APBB1IP: variants seen among roughly 807,000 people sequenced by gnomAD.
APBB1IP encodes the protein amyloid beta precursor protein binding family B member 1 interacting protein, also known as amyloid beta A4 precursor protein-binding family B member 1-interacting protein.
Under a neutral mutation model 64.9 loss-of-function variants are expected in APBB1IP, and 27 were observed. The ratio of observed to expected loss-of-function variants is 0.42; its 90% confidence interval spans 0.31 to 0.57. The LOEUF (loss-of-function observed/expected upper bound fraction) is 0.57, where lower values mean the gene tolerates loss of function less well. Ranked by LOEUF, APBB1IP falls within the 20% of genes least tolerant of loss-of-function variation. The pLI is 0.20. For synonymous variants in APBB1IP, 392 were observed against 331.0 expected (o/e 1.18, Z -2.00); for missense variants, 812 against 845.5 (o/e 0.96, Z 0.49).
chr10:26,532,635 C>T (rs752250830), intron 8 of APBB1IP, among the ~76,000 whole-genome samples: 11 of 151,922 alleles, frequency 7.2e-5, no homozygotes, highest in East Asian at 3.9e-4. Flanking sequence ...GCATGCATGC[C>T]GCCATGCCTA....
chr10:26,549,907 A>AT (rs1456098255), intron 11 of APBB1IP, among the ~76,000 whole-genome samples: 1 of 149,544 alleles, frequency 6.7e-6, no homozygotes, highest in South Asian at 2.1e-4. Flanking sequence ...GTTTGTTCTT[A>AT]TTTTTTCTAG....
At chr10:26,521,782 G>T (rs1195868336) in intron 8 of APBB1IP, among the ~76,000 whole-genome samples, 2 of 152,064 alleles carry the variant, frequency 1.3e-5, no homozygotes, top group Non-Finnish European at 2.9e-5. Context: ...ATGGAGTCTT[G>T]CTTTGTCACC....
intron 11 of APBB1IP, among the ~76,000 whole-genome samples, chr10:26,555,128 G>C (rs1036859927): frequency 9.2e-5 from 14 of 152,148 alleles, no homozygotes; most frequent in African/African-American, 3.4e-4. Flanking sequence ...CTATGAGCAA[G>C]TTCTTCTATT....
intron 11 of APBB1IP, among the ~76,000 whole-genome samples, chr10:26,554,817 A>T (rs1356501392): frequency 6.6e-6 from 1 of 152,156 alleles, no homozygotes; most frequent in South Asian, 2.1e-4. Flanking sequence ...TCTTGGGCTC[A>T]AGCAATCCAC....
intron 3 of APBB1IP, among the ~76,000 whole-genome samples, chr10:26,496,004 G>T (rs1190263788): frequency 1.4e-5 from 2 of 141,154 alleles, no homozygotes; most frequent in African/African-American, 2.6e-5. Flanking sequence ...TATATATATA[G>T]TGTGTGTGTT....
intron 2 of APBB1IP, among the ~76,000 whole-genome samples, chr10:26,461,717 A>G (rs979762142): frequency 2.0e-5 from 3 of 152,160 alleles, no homozygotes; most frequent in Middle Eastern, 3.4e-3. Flanking sequence ...TTCCCGTAAC[A>G]TGGTAGTTCC....
chr10:26,456,817 A>G (rs1468728344), intron 2 of APBB1IP, among the ~76,000 whole-genome samples: 3 of 151,120 alleles, frequency 2.0e-5, no homozygotes, highest in African/African-American at 7.3e-5. Context: ...GAAAAGAAGG[A>G]GAGATTGGAG....
At chr10:26,450,975 C>T (rs571071424) in intron 2 of APBB1IP, among the ~76,000 whole-genome samples, 76 of 152,178 alleles carry the variant, frequency 5.0e-4, no homozygotes, top group Admixed American at 1.8e-3. Flanking sequence ...GGATTATAGG[C>T]GTGAGCCACC....
At chr10:26,494,372 G>A (rs193286813) in intron 3 of APBB1IP, among the ~76,000 whole-genome samples, 5 of 152,286 alleles carry the variant, frequency 3.3e-5, no homozygotes, top group South Asian at 2.1e-4. Flanking sequence ...TCATAAATGA[G>A]CCTTTGACTA....
intron 3 of APBB1IP, 144 bp downstream of exon 3, chr10:26,492,542 A>C (rs1835968709): frequency 1.4e-6 from 1 of 718,614 alleles, no homozygotes; most frequent in African/African-American, 1.8e-5. Context: ...GTTCTTTTCT[A>C]TTTTCCCTAA....
At chr10:26,459,090 T>G in intron 2 of APBB1IP, among the ~76,000 whole-genome samples, 1 of 66,680 alleles carries the variant, frequency 1.5e-5, no homozygotes, top group African/African-American at 6.2e-5. Context: ...CCCTCCCCCC[T>G]CCCCCCACCC....
chr10:26,441,988 G>A (rs909726949), intron 2 of APBB1IP, among the ~76,000 whole-genome samples: 4 of 152,230 alleles, frequency 2.6e-5, no homozygotes, highest in African/African-American at 9.6e-5. Flanking sequence ...TACGCAGGAA[G>A]TAAGAAACAG....
intron 8 of APBB1IP, among the ~76,000 whole-genome samples, chr10:26,523,514 T>C (rs1037183361): frequency 6.6e-6 from 1 of 152,126 alleles, no homozygotes; most frequent in African/African-American, 2.4e-5. Context: ...CTTTCTAACA[T>C]GCAAAAAGGC....
chr10:26,567,345 C>A lies in APBB1IP; in HGVS notation c.1858C>A (p.Pro620Thr). The change falls in exon 15 of 15, where the codon CCC (proline) becomes ACC (threonine). Residue 620 changes from proline (P) to threonine (T), a missense_variant. Pro to Thr is a conservative substitution (Grantham distance 38). This residue lies in a region of APBB1IP where 381 missense variants were observed against 352.1 expected (regional missense o/e 1.08). Transcript: ENST00000376236. ...PAPVPDSARP[P>T]PAVAKRPPVP... is the part of the protein sequence containing the mutation. ...CCCCGTCCCCGACTCCGCCAGGCCG[C>A]CCCCCGCGGTGGCCAAGAGGCCTCC... 7.0e-7 allele frequency: 1 copy of A among 1,434,326 alleles called. No individual in the cohort carries two copies. The highest frequency in any genetic ancestry group is 9.3e-7 in the Non-Finnish European group (1 of 1,079,124). The allele number at this position is 1,434,326 out of a possible 1,614,324, so 88.8% of individuals were successfully genotyped here. A position where few individuals can be genotyped will look rare whatever the true frequency, so the allele number is the denominator to read the frequency against.
chr10:26,455,863 C>T (rs1014141275), intron 2 of APBB1IP, among the ~76,000 whole-genome samples: 3 of 152,144 alleles, frequency 2.0e-5, no homozygotes, highest in Middle Eastern at 3.4e-3. Flanking sequence ...GTGTTCATAC[C>T]GGCATAATTT....
chr10:26,513,448 G>A, intron 7 of APBB1IP, 91 bp from the exon 8 acceptor site: 1 of 1,449,646 alleles, frequency 6.9e-7, no homozygotes, highest in African/African-American at 1.4e-5. Context: ...CCTGATGAAA[G>A]TCATGAAGCA....
intron 11 of APBB1IP, among the ~76,000 whole-genome samples, chr10:26,544,597 C>T (rs1350817080): frequency 2.0e-5 from 3 of 152,126 alleles, no homozygotes; most frequent in Non-Finnish European, 4.4e-5. Context: ...GAAGCAGGAG[C>T]CAAACCCCAG....
intron 2 of APBB1IP, among the ~76,000 whole-genome samples, chr10:26,443,354 G>A (rs1033909650): frequency 4.6e-5 from 7 of 151,722 alleles, no homozygotes; most frequent in Non-Finnish European, 8.8e-5. Flanking sequence ...AACCCAGGAG[G>A]TGGAGGTTGC....
chr10:26,518,677 C>A (rs1356534170), intron 8 of APBB1IP, among the ~76,000 whole-genome samples: 2 of 152,186 alleles, frequency 1.3e-5, no homozygotes, highest in East Asian at 3.9e-4. Flanking sequence ...GTGATTGTAG[C>A]ATCTTGTCAA....
Sources: gnomAD v4.1 joint callset for allele counts (sites outside exome capture counted in the v4.1 genomes callset) on GRCh38, gnomAD v4.1.1 for gene constraint, gnomAD v4.1.1 regional missense constraint, MANE v1.5 for transcripts, NCBI Gene and HGNC (gene_info 2026-07-23, HGNC 2026-07-21) for gene names.